Variants in ERBB4 observed in about 807,000 individuals in gnomAD.
ERBB4 encodes erb-b2 receptor tyrosine kinase 4.
ERBB4 carries 42 observed loss-of-function variants against 158.0 expected under a neutral mutation model. The ratio of observed to expected loss-of-function variants is 0.27; its 90% CI spans 0.21 to 0.34. The LOEUF (loss-of-function observed/expected upper bound fraction) is 0.34, where lower values mean the gene tolerates loss of function less well. Ranked by LOEUF, ERBB4 falls within the 10% of genes least tolerant of loss-of-function variation. ERBB4 has a pLI of 1.00. For missense variants in ERBB4, 1,333 were observed against 1,624.1 expected (o/e 0.82, Z 3.08); for synonymous variants, 583 against 558.7 (o/e 1.04, Z -0.61).
chr2:212,398,566 G>C (rs923193490), intron 1 of ERBB4, among the ~76,000 whole-genome samples: 1 of 152,120 alleles, frequency 6.6e-6, no homozygotes, highest in Admixed American at 6.6e-5. Flanking sequence ...TGCAGGCTGA[G>C]ATGTTGACTT....
chr2:212,090,805 T>C (rs2078751921), intron 2 of ERBB4, among the ~76,000 whole-genome samples: 1 of 152,174 alleles, frequency 6.6e-6, no homozygotes, highest in East Asian at 1.9e-4. Context: ...AGGTTTACTA[T>C]AAGGTAATAC....
chr2:212,216,127 T>C (rs954457330), intron 1 of ERBB4, among the ~76,000 whole-genome samples: 4 of 151,428 alleles, frequency 2.6e-5, no homozygotes, highest in Non-Finnish European at 5.9e-5. Context: ...GTTATAGTTG[T>C]ATCATATATG....
intron 3 of ERBB4, among the ~76,000 whole-genome samples, chr2:211,906,525 A>ACTGCATG (rs1366524909): frequency 2.2e-4 from 34 of 152,064 alleles, no homozygotes; most frequent in East Asian, 2.0e-3. Context: ...AAGTATAAAT[A>ACTGCATG]TTGATATCTA....
intron 1 of ERBB4, among the ~76,000 whole-genome samples, chr2:212,299,451 A>T (rs530082155): frequency 2.0e-5 from 3 of 151,644 alleles, no homozygotes; most frequent in Non-Finnish European, 3.0e-5. Flanking sequence ...TTGTTTTAGA[A>T]ACCATATAAA....
At chr2:212,120,762 A>T (rs1415570737) in intron 2 of ERBB4, among the ~76,000 whole-genome samples, 2 of 152,212 alleles carry the variant, frequency 1.3e-5, no homozygotes, top group African/African-American at 4.8e-5. Context: ...TAAATACATC[A>T]TTTGGGTCAC....
rs544521981 is a variant in ERBB4 at position 211,516,522 on chromosome 2, C to T, written c.2487+45381G>A. ...CTAATTTTTATAATTTTAGTAGAGA[C>T]GGGAATCTCACCATTTTGCCCAGGC... On this transcript the variant is annotated intron_variant, in intron 20 of 27. Transcript: ENST00000342788. Among the ~76,000 whole-genome samples the T allele has an allele frequency of 3.0e-4, 45 of 151,570 alleles. 1 individual carries two copies. In the South Asian group the frequency reaches 7.5e-3, roughly 25 times the overall value.
intron 1 of ERBB4, among the ~76,000 whole-genome samples, chr2:212,164,774 T>C (rs1426190710): frequency 1.3e-5 from 2 of 152,030 alleles, no homozygotes; most frequent in African/African-American, 4.8e-5. Context: ...TGTCATTTCT[T>C]TAAAGAAGAA....
At chr2:212,234,254 T>C (rs2105991706) in intron 1 of ERBB4, among the ~76,000 whole-genome samples, 1 of 152,206 alleles carries the variant, frequency 6.6e-6, no homozygotes, top group East Asian at 1.9e-4. Context: ...GTTCCTGTGT[T>C]AGTTTGCTGA....
At chr2:211,671,050 C>A (rs900691186) in intron 14 of ERBB4, among the ~76,000 whole-genome samples, 1 of 151,936 alleles carries the variant, frequency 6.6e-6, no homozygotes. Flanking sequence ...AACATTTAAG[C>A]AGATTAGTTT....
chr2:211,843,791 C>T (rs969015936), intron 3 of ERBB4, among the ~76,000 whole-genome samples: 3 of 151,774 alleles, frequency 2.0e-5, no homozygotes, highest in African/African-American at 4.8e-5. Flanking sequence ...CATGTCTACT[C>T]CATAATTAGT....
chr2:211,748,197 T>C (rs1356350268), intron 5 of ERBB4, among the ~76,000 whole-genome samples: 1 of 151,964 alleles, frequency 6.6e-6, no homozygotes, highest in Non-Finnish European at 1.5e-5. Flanking sequence ...ATACACTGCA[T>C]TTTGTAATCT....
At chr2:212,368,544 C>A (rs1329988075) in intron 1 of ERBB4, among the ~76,000 whole-genome samples, 3 of 151,902 alleles carry the variant, frequency 2.0e-5, no homozygotes, top group African/African-American at 7.3e-5. Context: ...CTCATGTAAC[C>A]AAATCCCACC....
At chr2:211,837,402 C>T (rs2077365884) in intron 3 of ERBB4, among the ~76,000 whole-genome samples, 1 of 152,040 alleles carries the variant, frequency 6.6e-6, no homozygotes, top group Non-Finnish European at 1.5e-5. Context: ...AATAGATTCT[C>T]TGCACCAAAG....
At chr2:212,467,226 C>G (rs1047518207) in intron 1 of ERBB4, among the ~76,000 whole-genome samples, 6 of 152,200 alleles carry the variant, frequency 3.9e-5, no homozygotes, top group African/African-American at 1.4e-4. Flanking sequence ...GAAATTCAAG[C>G]TGGCTGCAGA....
intron 5 of ERBB4, among the ~76,000 whole-genome samples, chr2:211,745,988 T>A (rs2074960947): frequency 1.3e-5 from 2 of 152,252 alleles, no homozygotes; most frequent in South Asian, 4.1e-4. Context: ...AGCCCTTTAA[T>A]CATTTCCTCT....
At chr2:212,096,263 C>T (rs1170548361) in intron 2 of ERBB4, among the ~76,000 whole-genome samples, 1 of 148,456 alleles carries the variant, frequency 6.7e-6, no homozygotes, top group Non-Finnish European at 1.5e-5. Flanking sequence ...TTATTAAATC[C>T]CAGATTTTAG....
chr2:211,762,550 TGAA>T (rs1338975166), intron 4 of ERBB4, among the ~76,000 whole-genome samples: 1 of 152,140 alleles, frequency 6.6e-6, no homozygotes, highest in Non-Finnish European at 1.5e-5. Flanking sequence ...GGTGGATTAG[TGAA>T]GAAGATTAGA....
intron 1 of ERBB4, among the ~76,000 whole-genome samples, chr2:212,512,503 G>A (rs1330513953): frequency 2.0e-5 from 3 of 151,694 alleles, no homozygotes; most frequent in Non-Finnish European, 4.4e-5. Context: ...CATGGTTTTT[G>A]TTTGTTTGTT....
At chr2:212,238,930 C>T (rs764012052) in intron 1 of ERBB4, among the ~76,000 whole-genome samples, 1 of 152,086 alleles carries the variant, frequency 6.6e-6, no homozygotes, top group Non-Finnish European at 1.5e-5. Context: ...CAAAAATCTT[C>T]ATGAAAAGAA....
Sources: gnomAD v4.1 joint callset for allele counts (sites outside exome capture counted in the v4.1 genomes callset) on GRCh38, gnomAD v4.1.1 for gene constraint, MANE v1.5 for transcripts, NCBI Gene and HGNC (gene_info 2026-07-23, HGNC 2026-07-21) for gene names.